Variants in PRMT8 observed in about 807,000 individuals in gnomAD.
The protein encoded by PRMT8 is protein arginine methyltransferase 8.
PRMT8 carries 7 observed loss-of-function variants against 47.1 expected under a neutral mutation model. The observed-to-expected ratio is 0.15, with a 90% CI of 0.08 to 0.28. PRMT8 has a LOEUF of 0.28. Ranked by LOEUF, PRMT8 falls within the 10% of genes least tolerant of loss-of-function variation. The pLI is 1.00. For synonymous variants in PRMT8, 188 were observed against 186.5 expected (o/e 1.01, Z -0.07); for missense variants, 237 against 505.4 (o/e 0.47, Z 5.09).
intron 6 of PRMT8, among the ~76,000 whole-genome samples, chr12:3,575,558 C>T (rs763101351): frequency 4.6e-5 from 7 of 152,188 alleles, no homozygotes; most frequent in Non-Finnish European, 8.8e-5. Context: ...CTTGAGCCCT[C>T]GCCCCCCTGT....
intron 1 of PRMT8, among the ~76,000 whole-genome samples, chr12:3,440,529 A>G (rs1474300495): frequency 2.0e-5 from 3 of 152,024 alleles, no homozygotes; most frequent in South Asian, 2.1e-4. Context: ...TCCTTTCCCC[A>G]GTAACATACA....
At chr12:3,465,398 C>G (rs1865088116) in intron 1 of PRMT8, among the ~76,000 whole-genome samples, 1 of 151,468 alleles carries the variant, frequency 6.6e-6, no homozygotes, top group Non-Finnish European at 1.5e-5. Flanking sequence ...GGCGGGTTTC[C>G]CAAGTGTGCA....
At chr12:3,435,503 TTTTTTTTTTCTTC>T (rs1278871863) in intron 1 of PRMT8, among the ~76,000 whole-genome samples, 4 of 100,156 alleles carry the variant, frequency 4.0e-5, no homozygotes, top group Non-Finnish European at 7.8e-5. Context: ...AACGTCATGT[TTTTTTTTTTCTTC>T]TTTTTTTTTC....
intron 1 of PRMT8, among the ~76,000 whole-genome samples, chr12:3,403,557 T>C (rs1293594492): frequency 6.6e-6 from 1 of 151,468 alleles, no homozygotes; most frequent in African/African-American, 2.4e-5. Context: ...GATAAGGATG[T>C]TTATCATGGT....
Position 3,465,447 on chromosome 12 carries a change from C to T in PRMT8, c.49-75159C>T, listed in dbSNP as rs1322864422. Among the ~76,000 whole-genome samples, 4 of 151,978 alleles carry T rather than the reference C, an allele frequency of 2.6e-5. No individual in the cohort carries two copies. The East Asian group carries it at 7.7e-4, about 29-fold the overall frequency. On this transcript the variant is annotated intron_variant, in intron 1 of 9. Coordinates refer to the PRMT8 transcript ENST00000452611. ...AATAAAGTCTCTTTGCTCCAAATTC[C>T]TTTTCTGGGAACTTTTGTTTGTGGG...
upstream of PRMT8, among the ~76,000 whole-genome samples, chr12:3,489,436 T>G (rs1441915927): frequency 1.3e-5 from 2 of 151,848 alleles, no homozygotes; most frequent in African/African-American, 2.4e-5. Flanking sequence ...CATGGGCAAA[T>G]GTCCTCCTCT....
intron 1 of PRMT8, among the ~76,000 whole-genome samples, chr12:3,398,645 G>A (rs1864287211): frequency 6.6e-6 from 1 of 152,146 alleles, no homozygotes; most frequent in Admixed American, 6.5e-5. Flanking sequence ...CAGCCCTTAT[G>A]TAAAATCAAT....
rs1200060967 is a variant in PRMT8, at chr12:3,557,489, C to T, written c.481+3775C>T. On this transcript the variant is annotated intron_variant, in intron 4 of 9. Transcript: ENST00000382622. This position sits in a 1 kb window ranked among gnomAD's most constrained non-coding sequence, Gnocchi z 4.7. ...CCCAAGTAGGGGGATGCTGCTCAGA[C>T]CCCTTGGCCTCTGGCTTGGTGTCCA... Among the ~76,000 whole-genome samples the T allele has an allele frequency of 6.6e-6, 1 of 152,178 alleles. No homozygotes were observed. The highest frequency in any genetic ancestry group is 1.5e-5 in the Non-Finnish European group (1 of 68,028).
rs1311737845 is a variant in PRMT8, at chr12:3,553,658, GCTCCAGTATTTCTGACTA to G, written c.429_446del (p.Ser144_Ser149del). 1 of 1,606,012 alleles carries G rather than the reference GCTCCAGTATTTCTGACTA, an allele frequency of 6.2e-7. No individual in the cohort carries two copies. Among genetic ancestry groups the G allele is most frequent in the Admixed American group, 1.7e-5 (1 of 59,994 alleles). On this transcript the variant is annotated inframe_deletion, in exon 4 of 10. Coordinates refer to ENST00000382622, the MANE Select transcript of PRMT8 (RefSeq NM_019854.5). ...GTCCTATGCCCTTTCCAGATCGAATGCTCCAGTATTTCTGACTACTCAGAGAAGATCATTAAGGCCAAC... is the reference window on the plus strand; with the variant it reads ...GTCCTATGCCCTTTCCAGATCGAATGCTCAGAGAAGATCATTAAGGCCAAC...
In PRMT8 at chr12:3,572,624, G is replaced by T. The variant is rs1318354218; in HGVS notation, c.712+3060G>T. ...ACTCATGACATCCAGAGTTTCCTCT[G>T]GTTCCAGCCCATTTTATGCAAGGAT... On this transcript the variant is annotated intron_variant, in intron 6 of 9. Transcript: ENST00000382622. The surrounding 1 kb of genome is among the most constrained non-coding windows in gnomAD (Gnocchi z 5.9). Among the ~76,000 whole-genome samples, 1 of 152,196 alleles carries T rather than the reference G, an allele frequency of 6.6e-6. No homozygotes were observed. Among genetic ancestry groups the T allele is most frequent in the Non-Finnish European group, 1.5e-5 (1 of 68,042 alleles).
Position 3,583,240 on chromosome 12 carries a change from C to G in PRMT8, c.979+32C>G, listed in dbSNP as rs777106652. ...TGTTTGTTGCTTCCCAGAGCCTCCT[C>G]CCTCTCCCATGCTTCCTCAAGTCTT... On this transcript the variant is annotated intron_variant, in intron 8 of 9. Transcript: ENST00000382622. This position sits in a 1 kb window ranked among gnomAD's most constrained non-coding sequence, Gnocchi z 4.7. 1 of 1,587,110 alleles carries G rather than the reference C, an allele frequency of 6.3e-7. No individual in the cohort carries two copies. Among genetic ancestry groups the G allele is most frequent in the Middle Eastern group, 1.7e-4 (1 of 6,010 alleles).
In PRMT8 at chr12:3,449,387, C is replaced by A. The variant is rs1050137514; in HGVS notation, c.48+67945C>A. Among the ~76,000 whole-genome samples the A allele has an allele frequency of 2.0e-5, 3 of 152,198 alleles. No homozygotes were observed. The South Asian group carries it at 6.2e-4, about 32-fold the overall frequency. On this transcript the variant is annotated intron_variant, in intron 1 of 9. Transcript: ENST00000452611. ...AAAAGTTCCTATTTCTCCACAGCCT[C>A]ACCAGCATCTGTAGTTTCTTGACTT... is the stretch of plus-strand genomic sequence containing the variant.
rs1351088947 is a variant in PRMT8 at position 3,535,161 on chromosome 12, G to GAGCTCACA, written c.76-5436_76-5429dup. Among the ~76,000 whole-genome samples the GAGCTCACA allele has an allele frequency of 6.6e-6, 1 of 152,116 alleles. No individual in the cohort carries two copies. The highest frequency in any genetic ancestry group is 1.9e-4 in the East Asian group (1 of 5,172). On this transcript the variant is annotated intron_variant, in intron 1 of 9. Coordinates refer to ENST00000382622, the MANE Select transcript of PRMT8 (RefSeq NM_019854.5). This position sits in a 1 kb window ranked among gnomAD's most constrained non-coding sequence, Gnocchi z 4.7. ...GAAATCCGACCCACCCTTCAAGGACGAGCTCACAAGCTCACATGCCCCTTC... is the reference window on the plus strand; with the variant it reads ...GAAATCCGACCCACCCTTCAAGGACGAGCTCACAAGCTCACAAGCTCACATGCCCCTTC...
At chr12:3,391,609 G>A (rs1864193853) in intron 1 of PRMT8, among the ~76,000 whole-genome samples, 1 of 152,206 alleles carries the variant, frequency 6.6e-6, no homozygotes, top group Non-Finnish European at 1.5e-5. Context: ...TGAGTGGAAT[G>A]CGAAGCCACT....
intron 8 of PRMT8, among the ~76,000 whole-genome samples, chr12:3,584,655 A>G (rs771339313): frequency 3.9e-5 from 6 of 152,208 alleles, no homozygotes; most frequent in Non-Finnish European, 7.3e-5. Context: ...AGAGGCAAAT[A>G]TTATTATTAA....
chr12:3,411,191 A>T (rs1864426172), intron 1 of PRMT8, among the ~76,000 whole-genome samples: 1 of 152,216 alleles, frequency 6.6e-6, no homozygotes, highest in South Asian at 2.1e-4. Context: ...TTTTGGTTAC[A>T]GCAGTTTGAC....
chr12:3,575,998 C>G (rs1002203926), intron 6 of PRMT8, among the ~76,000 whole-genome samples: 11 of 152,164 alleles, frequency 7.2e-5, no homozygotes, highest in African/African-American at 2.4e-4. Context: ...TGGAGCCAGT[C>G]TCTGTCTCCA....
At position 3,525,095 on chromosome 12, in the gene PRMT8, G is replaced by T. The variant is rs539182585; in HGVS notation, c.76-15511G>T. 3.3e-5 allele frequency among the ~76,000 whole-genome samples: 5 copies of T among 152,284 alleles called. No individual in the cohort carries two copies. In the South Asian group the frequency reaches 8.3e-4, roughly 25 times the overall value. On this transcript the variant is annotated intron_variant, in intron 1 of 9. Transcript: ENST00000382622. ...AAATTAGCTGGGTGTGGTGGTGCAT[G>T]CCTGTAATCCCAGCCACTTAGGGGA...
chr12:3,546,578 A>G (rs1208896119), intron 2 of PRMT8, among the ~76,000 whole-genome samples: 4 of 152,254 alleles, frequency 2.6e-5, no homozygotes, highest in South Asian at 2.1e-4. Flanking sequence ...GACATTTTAC[A>G]TAAAATGGAT....
Sources: gnomAD v4.1 joint callset for allele counts (sites outside exome capture counted in the v4.1 genomes callset) on GRCh38, gnomAD v4.1.1 for gene constraint, Gnocchi (gnomAD v3.1) non-coding constraint, MANE v1.5 for transcripts, NCBI Gene and HGNC (gene_info 2026-07-23, HGNC 2026-07-21) for gene names.